SMAP1: variants seen among roughly 807,000 people sequenced by gnomAD.
SMAP1 encodes the protein small ArfGAP 1.
A neutral mutation model predicts 58.5 loss-of-function variants in SMAP1; 24 were observed. The ratio of observed to expected loss-of-function variants is 0.41; its 90% confidence interval spans 0.30 to 0.58. The LOEUF is 0.58. Ranked by LOEUF, SMAP1 falls within the 20% of genes least tolerant of loss-of-function variation. The pLI, the probability that SMAP1 is intolerant of heterozygous loss-of-function variation, is 0.29. For missense variants in SMAP1, 563 were observed against 566.3 expected (o/e 0.99, Z 0.06); for synonymous variants, 216 against 196.6 (o/e 1.10, Z -0.82).
intron 1 of SMAP1, among the ~76,000 whole-genome samples, chr6:70,669,133 CTT>C (rs928947350): frequency 1.3e-5 from 2 of 151,414 alleles, no homozygotes; most frequent in African/African-American, 4.9e-5. Context: ...AAAGAAATGT[CTT>C]GTGTAGTTAA....
At chr6:70,789,135 C>T (rs1411158681) in intron 4 of SMAP1, among the ~76,000 whole-genome samples, 3 of 152,020 alleles carry the variant, frequency 2.0e-5, no homozygotes, top group African/African-American at 7.3e-5. Context: ...TTATTCGTTG[C>T]TCACATAATG....
chr6:70,817,365 T>C (rs565061365), intron 6 of SMAP1, among the ~76,000 whole-genome samples: 1 of 152,194 alleles, frequency 6.6e-6, no homozygotes, highest in African/African-American at 2.4e-5. Flanking sequence ...AAAGATCAAT[T>C]TGAGGTTCTT....
At chr6:70,712,652 G>C (rs1352583492) in intron 1 of SMAP1, among the ~76,000 whole-genome samples, 1 of 151,882 alleles carries the variant, frequency 6.6e-6, no homozygotes, top group Non-Finnish European at 1.5e-5. Flanking sequence ...GTTTCTTCTT[G>C]ATTCAGTCTT....
chr6:70,807,128 GAT>G (rs1345361063), intron 6 of SMAP1, among the ~76,000 whole-genome samples: 1 of 152,162 alleles, frequency 6.6e-6, no homozygotes, highest in Non-Finnish European at 1.5e-5. Flanking sequence ...AACTTTCATT[GAT>G]TTGTGAGTTT....
At chr6:70,818,436 A>T (rs972165131) in intron 6 of SMAP1, among the ~76,000 whole-genome samples, 1 of 152,146 alleles carries the variant, frequency 6.6e-6, no homozygotes. Context: ...TGGGGTTTTC[A>T]TATTATGCTA....
chr6:70,723,311 C>T (rs1221665782), intron 1 of SMAP1, among the ~76,000 whole-genome samples: 1 of 152,144 alleles, frequency 6.6e-6, no homozygotes, highest in Non-Finnish European at 1.5e-5. Flanking sequence ...ATTTCTTAAA[C>T]ATACATTAAA....
intron 7 of SMAP1, among the ~76,000 whole-genome samples, chr6:70,838,983 C>A (rs904729501): frequency 1.3e-5 from 2 of 151,956 alleles, no homozygotes; most frequent in Non-Finnish European, 1.5e-5. Context: ...AAATCTGATA[C>A]TTTCAGGACA....
intron 1 of SMAP1, among the ~76,000 whole-genome samples, chr6:70,724,829 A>G (rs540438840): frequency 2.6e-5 from 4 of 152,222 alleles, no homozygotes; most frequent in African/African-American, 7.2e-5. Flanking sequence ...GGAATATTTT[A>G]AAGAACTTTT....
intron 2 of SMAP1, among the ~76,000 whole-genome samples, chr6:70,752,231 C>A (rs1393336637): frequency 2.0e-5 from 3 of 152,152 alleles, no homozygotes; most frequent in Non-Finnish European, 2.9e-5. Flanking sequence ...CCTCAGTTTC[C>A]TCTCTGTAAA....
At chr6:70,752,426 G>A (rs1381023065) in intron 2 of SMAP1, among the ~76,000 whole-genome samples, 1 of 152,122 alleles carries the variant, frequency 6.6e-6, no homozygotes, top group African/African-American at 2.4e-5. Flanking sequence ...TACAGATTCT[G>A]TTTCTTTTCC....
intron 5 of SMAP1, among the ~76,000 whole-genome samples, chr6:70,797,911 T>C (rs975735673): frequency 4.6e-5 from 7 of 152,142 alleles, no homozygotes; most frequent in South Asian, 2.1e-4. Flanking sequence ...GAATGCTCTT[T>C]GTTTAATCTC....
At chr6:70,757,581 C>T (rs1220554556) in intron 3 of SMAP1, among the ~76,000 whole-genome samples, 3 of 151,576 alleles carry the variant, frequency 2.0e-5, no homozygotes, top group Non-Finnish European at 4.4e-5. Context: ...AGTGAACAGG[C>T]AACCTACAAA....
At chr6:70,830,234 C>G (rs573981639) in intron 6 of SMAP1, among the ~76,000 whole-genome samples, 1 of 152,288 alleles carries the variant, frequency 6.6e-6, no homozygotes, top group Non-Finnish European at 1.5e-5. Context: ...TCAATAGCAG[C>G]AGAATTTAAA....
chr6:70,697,346 C>T (rs1198356547), intron 1 of SMAP1, among the ~76,000 whole-genome samples: 1 of 150,780 alleles, frequency 6.6e-6, no homozygotes, highest in Non-Finnish European at 1.5e-5. Context: ...CACACCATTG[C>T]TGGGGCTGGA....
At chr6:70,728,183 A>G (rs753413374) in intron 1 of SMAP1, among the ~76,000 whole-genome samples, 6 of 152,196 alleles carry the variant, frequency 3.9e-5, no homozygotes, top group Admixed American at 2.6e-4. Flanking sequence ...GGGCTTTTGT[A>G]ATTGGATCCA....
At chr6:70,826,660 G>A (rs979392991) in intron 6 of SMAP1, among the ~76,000 whole-genome samples, 24 of 152,112 alleles carry the variant, frequency 1.6e-4, no homozygotes, top group African/African-American at 5.8e-4. Context: ...GGAGGCTGAG[G>A]TGGGAGGATC....
intron 7 of SMAP1, among the ~76,000 whole-genome samples, chr6:70,839,528 C>A (rs530608220): frequency 6.6e-6 from 1 of 152,102 alleles, no homozygotes; most frequent in African/African-American, 2.4e-5. Context: ...ATTTTCAGGA[C>A]AGTGTCTTTA....
At chr6:70,827,543 G>T (rs1195337959) in intron 6 of SMAP1, among the ~76,000 whole-genome samples, 3 of 152,192 alleles carry the variant, frequency 2.0e-5, no homozygotes, top group Non-Finnish European at 4.4e-5. Context: ...GTTACAAATT[G>T]TCTGAAGAGG....
At chr6:70,719,173 A>G (rs1008325970) in intron 1 of SMAP1, among the ~76,000 whole-genome samples, 1 of 152,184 alleles carries the variant, frequency 6.6e-6, no homozygotes. Context: ...ATTTGTAGTT[A>G]TAGAGTGCTT....
Sources: allele counts gnomAD v4.1 joint callset (sites outside exome capture counted in the v4.1 genomes callset), GRCh38; gene constraint gnomAD v4.1.1; transcripts MANE v1.5; gene names NCBI Gene and HGNC (gene_info 2026-07-23, HGNC 2026-07-21).